The following WWC2 variants were observed in gnomAD, a reference collection of about 807,000 sequenced individuals.
The protein encoded by WWC2 is protein WWC2.
In WWC2, 101 loss-of-function variants were observed where a neutral mutation model predicts 138.5. The observed-to-expected ratio is 0.73, with a 90% CI of 0.62 to 0.86. The LOEUF (loss-of-function observed/expected upper bound fraction) is 0.86, where lower values mean the gene tolerates loss of function less well. Ranked by LOEUF, WWC2 falls within the 40% of genes least tolerant of loss-of-function variation. WWC2 has a pLI of 0.00. For missense variants in WWC2, 1,420 were observed against 1,419.4 expected, an observed-to-expected ratio of 1.00 and a Z score of -0.01; for synonymous variants, 558 against 538.4, an observed-to-expected ratio of 1.04 and a Z score of -0.50.
At chr4:183,215,816 T>G (rs1424216859) in intron 4 of WWC2, among the ~76,000 whole-genome samples, 3 of 152,210 alleles carry the variant, frequency 2.0e-5, no homozygotes, top group Non-Finnish European at 4.4e-5. Context: ...ATATACATCC[T>G]AATTCTTAAA....
chr4:183,276,431 C>T (rs1255306574), intron 16 of WWC2, among the ~76,000 whole-genome samples: 1 of 151,336 alleles, frequency 6.6e-6, no homozygotes, highest in Non-Finnish European at 1.5e-5. Context: ...TTCGTTTTCC[C>T]CTCTACTAGA....
At chr4:183,124,408 T>G (rs1250397761) in intron 1 of WWC2, among the ~76,000 whole-genome samples, 1 of 151,966 alleles carries the variant, frequency 6.6e-6, no homozygotes, top group African/African-American at 2.4e-5. Flanking sequence ...ACCTCTCAGT[T>G]ATTTGGGTAT....
At chr4:183,231,404 G>A (rs2111288636) in intron 4 of WWC2, among the ~76,000 whole-genome samples, 1 of 151,340 alleles carries the variant, frequency 6.6e-6, no homozygotes, top group Admixed American at 6.6e-5. Context: ...TGAGTAGCTG[G>A]GATTACAGGC....
Position 183,250,839 on chromosome 4 carries a change from A to G in WWC2, c.953+846A>G, listed in dbSNP as rs80174156. 9.8e-5 allele frequency among the ~76,000 whole-genome samples: 15 copies of G among 152,324 alleles called. No individual in the cohort carries two copies. In the East Asian group the frequency reaches 2.9e-3, roughly 29 times the overall value. On this transcript the variant is annotated intron_variant, in intron 8 of 22. Transcript: ENST00000403733. ...TCATGTTTCTCCCCATGACCATGAA[A>G]AGCTCAGCTGAGAACCAGATATTGA...
At chr4:183,240,077 T>C (rs573365107) in intron 4 of WWC2, 106 bp from the exon 5 acceptor site, 1 of 744,026 alleles carries the variant, frequency 1.3e-6, no homozygotes, top group African/African-American at 1.8e-5. Context: ...CTTTAACTCA[T>C]GGCTTTGTTT....
intron 16 of WWC2, among the ~76,000 whole-genome samples, chr4:183,272,026 G>T (rs116325672): frequency 4.6e-5 from 7 of 152,240 alleles, no homozygotes; most frequent in Non-Finnish European, 1.0e-4. Flanking sequence ...GGGTTAGGTT[G>T]TAGCCAGCAA....
chr4:183,194,470 A>T (rs939159887), intron 2 of WWC2, among the ~76,000 whole-genome samples: 1 of 152,110 alleles, frequency 6.6e-6, no homozygotes, highest in Non-Finnish European at 1.5e-5. Flanking sequence ...AAAAATAATT[A>T]TTTTATTTTT....
At position 183,240,225 on chromosome 4, in the gene WWC2, C is replaced by A; in HGVS notation, c.565C>A (p.Leu189Met). The change falls in exon 5 of 23, where the codon CTG (leucine) becomes ATG (methionine). Residue 189 changes from leucine to methionine, a missense_variant. Coordinates refer to ENST00000403733, the MANE Select transcript of WWC2 (RefSeq NM_024949.6). The part of the protein sequence containing the change: ...KRELSQMKQE[L>M]LYKEQGFETL... ...AGAGCTCTCACAGATGAAGCAGGAA[C>A]TGCTCTATAAAGAACAAGGCTTTGA... 4 of 1,552,784 alleles carry A rather than the reference C, an allele frequency of 2.6e-6. No homozygotes were observed. The South Asian group carries it at 3.6e-5, about 14-fold the overall frequency.
chr4:183,315,913 T>A lies in WWC2; in HGVS notation c.*184T>A, dbSNP rs1234633664. 6 of 522,190 alleles carry A rather than the reference T, an allele frequency of 1.1e-5. No individual in the cohort carries two copies. Among genetic ancestry groups the A allele is most frequent in the Non-Finnish European group, 2.0e-5 (6 of 294,126 alleles). 32.3% of individuals were successfully genotyped at this position (522,190 alleles called of 1,614,324 possible). A position where few individuals can be genotyped will look rare whatever the true frequency, so the allele number is the denominator to read the frequency against. On this transcript the variant is annotated 3_prime_UTR_variant, in exon 23 of 23. Coordinates refer to ENST00000403733, the MANE Select transcript of WWC2 (RefSeq NM_024949.6). Reference sequence around the variant, plus strand: ...ATTTGTAAAGTACCTTGAGTGTAATTTTTATATGCTTAAAAAAGAAAAAAT... The same window carrying A: ...ATTTGTAAAGTACCTTGAGTGTAATATTTATATGCTTAAAAAAGAAAAAAT...
intron 1 of WWC2, among the ~76,000 whole-genome samples, chr4:183,184,389 A>T (rs1734733576): frequency 6.6e-6 from 1 of 152,150 alleles, no homozygotes; most frequent in Non-Finnish European, 1.5e-5. Context: ...GTCTATGGGA[A>T]TTTGGGCTCT....
rs180836649 is a variant in WWC2, at chr4:183,318,176, A to G, written c.*2447A>G. ...TAGTTCTCAAGTTTGAATTATCAGTATATTATTACAATTTTGTATATCAGA... is the reference window on the plus strand; with the variant it reads ...TAGTTCTCAAGTTTGAATTATCAGTGTATTATTACAATTTTGTATATCAGA... On this transcript the variant is annotated 3_prime_UTR_variant, in exon 23 of 23. Transcript: ENST00000403733. 1 of 152,734 alleles carries G rather than the reference A, an allele frequency of 6.5e-6. No homozygotes were observed. The highest frequency in any genetic ancestry group is 1.5e-5 in the Non-Finnish European group (1 of 68,014). The allele number at this position is 152,734 out of a possible 1,614,324, so 9.5% of individuals were successfully genotyped here.
intron 1 of WWC2, among the ~76,000 whole-genome samples, chr4:183,188,931 C>A (rs1159836239): frequency 6.6e-6 from 1 of 152,022 alleles, no homozygotes; most frequent in Non-Finnish European, 1.5e-5. Context: ...CAGGCATGAA[C>A]CACCGTGCCT....
chr4:183,281,731 T>C (rs935255384), intron 17 of WWC2, among the ~76,000 whole-genome samples: 1 of 152,144 alleles, frequency 6.6e-6, no homozygotes, highest in African/African-American at 2.4e-5. Context: ...TAAAAAGATA[T>C]AGATATACTT....
intron 21 of WWC2, among the ~76,000 whole-genome samples, chr4:183,296,788 GCGAGGCATGGT>G (rs1738642977): frequency 6.6e-6 from 1 of 151,810 alleles, no homozygotes; most frequent in Non-Finnish European, 1.5e-5. Flanking sequence ...AAAAAAATTA[GCGAGGCATGGT>G]GGCAGGTGCC....
intron 21 of WWC2, among the ~76,000 whole-genome samples, chr4:183,300,419 A>AT (rs1444388067): frequency 6.6e-6 from 1 of 151,430 alleles, no homozygotes; most frequent in Non-Finnish European, 1.5e-5. Context: ...GAACTGCTAG[A>AT]TTTTTTGTAA....
intron 21 of WWC2, among the ~76,000 whole-genome samples, chr4:183,309,770 T>A (rs534332543): frequency 7.2e-5 from 11 of 152,348 alleles, no homozygotes; most frequent in African/African-American, 2.4e-4. Context: ...GCATGAATAT[T>A]TACAGCAGCC....
intron 4 of WWC2, 28 bp from the exon 5 acceptor site, chr4:183,240,155 T>C: frequency 6.7e-7 from 1 of 1,491,472 alleles, no homozygotes; most frequent in East Asian, 2.5e-5. Flanking sequence ...CTGCAAACAT[T>C]AATGTTTATG....
intron 4 of WWC2, among the ~76,000 whole-genome samples, chr4:183,227,784 TATACAC>T (rs1293727913): frequency 6.6e-6 from 1 of 152,072 alleles, no homozygotes; most frequent in Non-Finnish European, 1.5e-5. Context: ...ACCAGAATGT[TATACAC>T]AGCAAAACAT....
chr4:183,285,855 T>C (rs769011578), intron 19 of WWC2, 112 bp from the exon 20 acceptor site: 3 of 954,584 alleles, frequency 3.1e-6, no homozygotes, highest in African/African-American at 3.3e-5. Flanking sequence ...CTTAAAGAAA[T>C]AAACTCTTAA....
Sources: allele counts gnomAD v4.1 joint callset (sites outside exome capture counted in the v4.1 genomes callset), GRCh38; gene constraint gnomAD v4.1.1; transcripts MANE v1.5; gene names NCBI Gene and HGNC (gene_info 2026-07-23, HGNC 2026-07-21).